ZNF343: variants seen among roughly 807,000 people sequenced by gnomAD.
ZNF343 encodes the protein zinc finger protein 343.
Under a neutral mutation model 13.8 loss-of-function variants are expected in ZNF343, and 11 were observed. The observed-to-expected ratio is 0.80, with a 90% CI of 0.50 to 1.32. The LOEUF is 1.32. ZNF343 is among the 40% of genes most tolerant of loss of function. The pLI is 0.00. For missense variants in ZNF343, 658 were observed against 714.2 expected (o/e 0.92, Z 0.90); for synonymous variants, 248 against 260.0 (o/e 0.95, Z 0.44).
At chr20:2,504,192 A>G (rs921264541) in intron 1 of ZNF343, among the ~76,000 whole-genome samples, 8 of 152,230 alleles carry the variant, frequency 5.3e-5, no homozygotes, top group Non-Finnish European at 7.3e-5. Context: ...CCTCTACGCA[A>G]ATAAACTAGA....
At chr20:2,521,963 T>TA (rs907257809) in intron 1 of ZNF343, among the ~76,000 whole-genome samples, 14 of 152,200 alleles carry the variant, frequency 9.2e-5, no homozygotes, top group African/African-American at 3.1e-4. Context: ...CATGTAAAGT[T>TA]ACAAAGCACT....
At chr20:2,487,713 T>C (rs1040058936) in intron 5 of ZNF343, among the ~76,000 whole-genome samples, 9 of 152,354 alleles carry the variant, frequency 5.9e-5, no homozygotes, top group African/African-American at 1.4e-4. Flanking sequence ...TCAAAGCATA[T>C]GCATATATAG....
At chr20:2,499,449 A>G (rs2085521224) in intron 2 of ZNF343, among the ~76,000 whole-genome samples, 1 of 81,592 alleles carries the variant, frequency 1.2e-5, no homozygotes, top group Non-Finnish European at 2.4e-5. Context: ...TGGGCGACAG[A>G]GCGAGACTCC....
chr20:2,508,067 C>G lies in ZNF343; in HGVS notation c.-237+814G>C, dbSNP rs745502668. On this transcript the variant is annotated intron_variant, in intron 1 of 5. Coordinates refer to ENST00000278772, the MANE Select transcript of ZNF343 (RefSeq NM_024325.6). The surrounding 1 kb of genome is among the most constrained non-coding windows in gnomAD (Gnocchi z 4.5). ...TTGCCACAAAGCACAGGGGGCACCT[C>G]CCACATGACACACCTTGAGACAACA... 1.3e-5 allele frequency among the ~76,000 whole-genome samples: 2 copies of G among 151,988 alleles called. No individual in the cohort carries two copies. The highest frequency in any genetic ancestry group is 2.9e-5 in the Non-Finnish European group (2 of 68,008).
intron 2 of ZNF343, among the ~76,000 whole-genome samples, chr20:2,499,029 G>A (rs1024413943): frequency 2.0e-5 from 3 of 151,990 alleles, no homozygotes; most frequent in East Asian, 1.9e-4. Flanking sequence ...TAGTAGAGAC[G>A]GGGTTTTGTC....
At chr20:2,505,160 C>G (rs2122711909) in intron 1 of ZNF343, among the ~76,000 whole-genome samples, 1 of 148,390 alleles carries the variant, frequency 6.7e-6, no homozygotes, top group Non-Finnish European at 1.5e-5. Context: ...ACACCAATAA[C>G]AGACAAACAG....
In ZNF343 at chr20:2,493,878, A is replaced by T; in HGVS notation, c.18T>A (p.Pro6=). Residue 6 remains proline, a synonymous_variant, in exon 3 of 6, where the codon CCT becomes CCA. Transcript: ENST00000278772. ...CCCAGTATTGATCTCCCAGTGCTGA[A>T]GGATAAGGCAACATCATGGCGCCAG... MMLPY[P]SALGDQYWEE... is the part of the protein sequence containing the mutation. 1 of 1,613,392 alleles carries T rather than the reference A, an allele frequency of 6.2e-7. No individual in the cohort carries two copies. Among genetic ancestry groups the T allele is most frequent in the East Asian group, 2.2e-5 (1 of 44,860 alleles).
In ZNF343 at chr20:2,482,933, G is replaced by A. The variant is rs2085189625; in HGVS notation, c.*228C>T. On this transcript the variant is annotated 3_prime_UTR_variant, in exon 6 of 6. Coordinates refer to ENST00000278772, the MANE Select transcript of ZNF343 (RefSeq NM_024325.6). ...TTCTCTCCTAAGTGTGTCCTTTTGTGCATGCTCAAGGCTGACTGATGGCTA... is the reference window on the plus strand; with the variant it reads ...TTCTCTCCTAAGTGTGTCCTTTTGTACATGCTCAAGGCTGACTGATGGCTA... 1 of 555,604 alleles carries A rather than the reference G, an allele frequency of 1.8e-6. No homozygotes were observed. The highest frequency in any genetic ancestry group is 2.7e-5 in the South Asian group (1 of 37,448). The allele number at this position is 555,604 out of a possible 1,614,324, so 34.4% of individuals were successfully genotyped here. A position where few individuals can be genotyped will look rare whatever the true frequency, so the allele number is the denominator to read the frequency against.
At chr20:2,488,054 A>G (rs566295294) in intron 5 of ZNF343, among the ~76,000 whole-genome samples, 30 of 152,308 alleles carry the variant, frequency 2.0e-4, no homozygotes, top group Non-Finnish European at 3.4e-4. Context: ...GTTATGGAAA[A>G]TAACTCTTTA....
intron 5 of ZNF343, among the ~76,000 whole-genome samples, chr20:2,489,448 C>T (rs981288323): frequency 6.6e-6 from 1 of 152,196 alleles, no homozygotes; most frequent in Admixed American, 6.5e-5. Context: ...TTTCCCACCA[C>T]GATGACATCA....
At chr20:2,521,126 G>A (rs1278990004) in intron 1 of ZNF343, among the ~76,000 whole-genome samples, 1 of 152,202 alleles carries the variant, frequency 6.6e-6, no homozygotes, top group Non-Finnish European at 1.5e-5. Context: ...CCTCTGCTGA[G>A]GGAAATGAAC....
At chr20:2,522,812 G>T (rs368866675) in intron 1 of ZNF343, among the ~76,000 whole-genome samples, 1 of 152,204 alleles carries the variant, frequency 6.6e-6, no homozygotes, top group Non-Finnish European at 1.5e-5. Flanking sequence ...TTAGCCAGGT[G>T]TAGTAGCTTG....
At chr20:2,519,061 G>C (rs908238091) in intron 1 of ZNF343, among the ~76,000 whole-genome samples, 10 of 152,144 alleles carry the variant, frequency 6.6e-5, no homozygotes, top group African/African-American at 2.4e-4. Context: ...GTGCAACTGT[G>C]AGTCAATTAA....
intron 2 of ZNF343, among the ~76,000 whole-genome samples, chr20:2,498,287 C>T (rs570987810): frequency 1.1e-4 from 17 of 152,250 alleles, no homozygotes; most frequent in African/African-American, 3.4e-4. Flanking sequence ...ACCCAGGAGA[C>T]GGAGGTTGCG....
chr20:2,493,610 GA>G (rs1200368998), intron 3 of ZNF343, 33 bp from the exon 4 acceptor site: 2 of 1,534,380 alleles, frequency 1.3e-6, no homozygotes, highest in Non-Finnish European at 1.8e-6. Flanking sequence ...TGAGAAACCA[GA>G]CCCCCCCACC....
At chr20:2,498,436 A>G (rs1018593226) in intron 2 of ZNF343, among the ~76,000 whole-genome samples, 12 of 152,222 alleles carry the variant, frequency 7.9e-5, no homozygotes, top group African/African-American at 2.2e-4. Context: ...ATGCTTTGCA[A>G]TGGAGTAAAT....
At chr20:2,493,341 C>G (rs540552179) in intron 4 of ZNF343, among the ~76,000 whole-genome samples, 178 bp downstream of exon 4, 39 of 152,240 alleles carry the variant, frequency 2.6e-4, no homozygotes, top group African/African-American at 9.4e-4. Context: ...TAAATGGGAT[C>G]TGTAAAATCC....
In ZNF343 at chr20:2,484,500, T is replaced by A. The variant is rs201212283; in HGVS notation, c.461A>T (p.Gln154Leu). 4 of 1,614,246 alleles carry A rather than the reference T, an allele frequency of 2.5e-6. No individual in the cohort carries two copies. The East Asian group carries it at 8.9e-5, about 36-fold the overall frequency. ...GNSSPGHWKQ[Q>L]GQQYSHVSCW... ...GCTTACATGGGAATACTGCTGCCCC[T>A]GCTGTTTCCAATGCCCTGGGCTAGA... is the stretch of plus-strand genomic sequence containing the variant. Residue 154 changes from glutamine to leucine, a missense_variant, in exon 6 of 6, where the codon CAG (glutamine) becomes CTG (leucine). Physicochemically the swap from Gln to Leu is moderately radical, Grantham distance 113. Coordinates refer to ENST00000278772, the MANE Select transcript of ZNF343 (RefSeq NM_024325.6).
intron 1 of ZNF343, among the ~76,000 whole-genome samples, chr20:2,502,860 G>A (rs2122696470): frequency 6.6e-6 from 1 of 152,286 alleles, no homozygotes; most frequent in Admixed American, 6.5e-5. Context: ...TCAAAAACAT[G>A]CCAAATTGTA....
Sources: allele counts gnomAD v4.1 joint callset (sites outside exome capture counted in the v4.1 genomes callset), GRCh38; gene constraint gnomAD v4.1.1; non-coding constraint Gnocchi (gnomAD v3.1); transcripts MANE v1.5; gene names NCBI Gene and HGNC (gene_info 2026-07-23, HGNC 2026-07-21).